Variants in MARVELD3 observed in about 807,000 individuals in gnomAD.
The protein encoded by MARVELD3 is MARVEL domain containing 3, also known as MARVEL domain-containing protein 3.
MARVELD3 carries 28 observed loss-of-function variants against 33.5 expected under a neutral mutation model. The ratio of observed to expected loss-of-function variants is 0.84; its 90% CI spans 0.62 to 1.15. The LOEUF is 1.15. Ranked by LOEUF, MARVELD3 falls within the 50% of genes most tolerant of loss-of-function variation. The pLI is 0.00. For missense variants in MARVELD3, 582 were observed against 547.6 expected, an observed-to-expected ratio of 1.06 and a Z score of -0.63; for synonymous variants, 241 against 230.4, an observed-to-expected ratio of 1.05 and a Z score of -0.42.
At chr16:71,641,124 G>C (rs2044616487), downstream of MARVELD3, 2 of 1,420,632 alleles carry the variant, frequency 1.4e-6, no homozygotes, top group African/African-American at 1.4e-5. Context: ...TCACACACTT[G>C]ACTTTATAAA....
chr16:71,629,432 AC>A lies in MARVELD3; in HGVS notation c.535del (p.Gln179SerfsTer30). 1 of 1,584,148 alleles carries A rather than the reference AC, an allele frequency of 6.3e-7. No individual in the cohort carries two copies. The highest frequency in any genetic ancestry group is 8.6e-7 in the Non-Finnish European group (1 of 1,167,968). Reference protein sequence around the residue: ...PRPGREEVEYYQSEAEGLLEC... With the variant: ...PRPGREEVEYXQSEAEGLLEC... ...CCTGGACGAGAGGAGGTGGAATATT[AC>A]CAGTCAGAGGCGGAAGGACTCCTGG... On this transcript the variant is annotated frameshift_variant, in exon 2 of 3. Transcript: ENST00000268485. LOFTEE classifies it high-confidence loss of function.
chr16:71,633,478 C>T (rs942876941), intron 2 of MARVELD3, among the ~76,000 whole-genome samples: 3 of 152,130 alleles, frequency 2.0e-5, no homozygotes, highest in Non-Finnish European at 4.4e-5. Flanking sequence ...ACTGTAACCT[C>T]CACCTCTCGG....
At chr16:71,638,177 A>G (rs2044593815), downstream of MARVELD3, 1 of 152,226 alleles carries the variant, frequency 6.6e-6, no homozygotes, top group South Asian at 2.1e-4. Context: ...GGCCTCTGTC[A>G]GTAACAAATA....
downstream of MARVELD3, chr16:71,640,542 G>C (rs977355877): frequency 1.8e-5 from 29 of 1,614,088 alleles, no homozygotes; most frequent in East Asian, 5.8e-4. Flanking sequence ...CACTGAGCTA[G>C]AGCAGGTTCG....
At chr16:71,629,148 A>T in intron 1 of MARVELD3, 1 of 496,102 alleles carries the variant, frequency 2.0e-6, no homozygotes. Flanking sequence ...CAGCGGTACC[A>T]ATCACAGCAT....
At chr16:71,637,796 C>A (rs944463521), downstream of MARVELD3, 5 of 152,222 alleles carry the variant, frequency 3.3e-5, no homozygotes, top group African/African-American at 1.2e-4. Context: ...TCTCACCAAT[C>A]CCCTTCCATT....
intron 2 of MARVELD3, among the ~76,000 whole-genome samples, chr16:71,633,189 C>A (rs2044549263): frequency 6.6e-6 from 1 of 151,872 alleles, no homozygotes; most frequent in Admixed American, 6.6e-5. Context: ...ACAGCAAGAC[C>A]TTTATCACGA....
In MARVELD3 at chr16:71,633,424, C is replaced by T. The variant is rs779895266; in HGVS notation, c.596-769C>T. On this transcript the variant is annotated intron_variant, in intron 2 of 2. Transcript: ENST00000268485. ...TTGTGTTTGCTTTTGTTTTTTGAGA[C>T]GGAGTGTCGCCCAGGCTAGAATGCA... Among the ~76,000 whole-genome samples, 6 of 152,046 alleles carry T rather than the reference C, an allele frequency of 3.9e-5. No individual in the cohort carries two copies. The South Asian group carries it at 6.2e-4, about 16-fold the overall frequency.
Position 71,634,948 on chromosome 16 carries a change from C to A in MARVELD3, c.*145C>A. 5.6e-6 allele frequency: 8 copies of A among 1,435,660 alleles called. No individual in the cohort carries two copies. The highest frequency in any genetic ancestry group is 1.5e-5 in the South Asian group (1 of 66,090). 88.9% of individuals were successfully genotyped at this position (1,435,660 alleles called of 1,614,324 possible). ...TGGTGTGGTGGGCGGAGCTCCCAGTCGCATGGAGCGGTGTTCATGGATGCA... is the reference window on the plus strand; with the variant it reads ...TGGTGTGGTGGGCGGAGCTCCCAGTAGCATGGAGCGGTGTTCATGGATGCA... On this transcript the variant is annotated 3_prime_UTR_variant, in exon 3 of 3. Transcript: ENST00000268485.
In MARVELD3 at chr16:71,626,582, G is replaced by A; in HGVS notation, c.353G>A (p.Gly118Glu). Residue 118 changes from glycine (G) to glutamate (E), a missense_variant, in exon 1 of 3, where the codon GGA becomes GAA. Physicochemically the swap from Gly to Glu is moderately conservative, Grantham distance 98. Transcript: ENST00000268485. This position sits in a 1 kb window ranked among gnomAD's most constrained non-coding sequence, Gnocchi z 5.3. ...EKPRQSRTRD[G>E]ARGLTWDAAA... ...CCGCGCCAAAGCCGGACGCGGGACG[G>A]AGCCCGGGGACTGACCTGGGACGCA... 1 of 1,545,584 alleles carries A rather than the reference G, an allele frequency of 6.5e-7. No homozygotes were observed. Among genetic ancestry groups the A allele is most frequent in the Non-Finnish European group, 8.7e-7 (1 of 1,146,700 alleles).
intron 2 of MARVELD3, 37 bp from the exon 3 acceptor site, chr16:71,634,156 A>G: frequency 1.3e-6 from 2 of 1,566,052 alleles, no homozygotes; most frequent in Non-Finnish European, 1.7e-6. Context: ...GGTGCCAAAC[A>G]GCATCACTCA....
rs142993154 is a variant in MARVELD3, at chr16:71,632,982, A to C, written c.596-1211A>C. The stretch of plus-strand genomic sequence containing the variant: ...GTATAACTTCCACGCTTTTTTTCTG[A>C]ATTATTATATTGTTTAAGCTCTGTG... On this transcript the variant is annotated intron_variant, in intron 2 of 2. Coordinates refer to ENST00000268485, the MANE Select transcript of MARVELD3 (RefSeq NM_052858.6). 1.8e-4 allele frequency among the ~76,000 whole-genome samples: 27 copies of C among 152,144 alleles called. 1 individual carries two copies. The East Asian group carries it at 5.0e-3, about 28-fold the overall frequency.
In MARVELD3 at chr16:71,633,046, G is replaced by A. The variant is rs189538518; in HGVS notation, c.596-1147G>A. ...TTGGAGAACTCTCCCCTTACAAATT[G>A]TATTCACCACAGAACATATATAAAG... On this transcript the variant is annotated intron_variant, in intron 2 of 2. Coordinates refer to ENST00000268485, the MANE Select transcript of MARVELD3 (RefSeq NM_052858.6). 1.1e-3 allele frequency among the ~76,000 whole-genome samples: 171 copies of A among 151,882 alleles called. No homozygotes were observed. In the Middle Eastern group the frequency reaches 0.014, roughly 12 times the overall value.
At chr16:71,632,866 C>A (rs1385650911) in intron 2 of MARVELD3, among the ~76,000 whole-genome samples, 1 of 151,954 alleles carries the variant, frequency 6.6e-6, no homozygotes, top group South Asian at 2.1e-4. Context: ...CCTGCCTCGG[C>A]CTCCCAAAAT....
At chr16:71,640,323 T>C (rs147372162), downstream of MARVELD3, 32 of 1,523,508 alleles carry the variant, frequency 2.1e-5, no homozygotes, top group African/African-American at 4.0e-4. Context: ...AGGTGGCCTG[T>C]GGTATGTCTC....
intron 1 of MARVELD3, among the ~76,000 whole-genome samples, chr16:71,627,579 C>G (rs920027775): frequency 2.6e-5 from 4 of 152,150 alleles, no homozygotes; most frequent in African/African-American, 9.7e-5. Context: ...AATTCTCCCA[C>G]TGAAGGGTAC....
At chr16:71,641,693 G>A (rs1596979980) in exon 3 of MARVELD3, 1 of 152,370 alleles carries the variant, frequency 6.6e-6, no homozygotes, top group Admixed American at 6.5e-5. Flanking sequence ...AGGTTGCAGT[G>A]AGCAAACTCC....
chr16:71,640,257 AC>A, downstream of MARVELD3: 1 of 988,118 alleles, frequency 1.0e-6, no homozygotes, highest in Non-Finnish European at 1.5e-6. Context: ...ACAGAGTGAC[AC>A]CGTCTCAAAA....
At chr16:71,641,022 C>T, downstream of MARVELD3, 1 of 1,596,360 alleles carries the variant, frequency 6.3e-7, no homozygotes, top group Non-Finnish European at 8.6e-7. Context: ...GTCTGGAACT[C>T]TTTGAGATCT....
Sources: allele counts gnomAD v4.1 joint callset (sites outside exome capture counted in the v4.1 genomes callset), GRCh38; gene constraint gnomAD v4.1.1; non-coding constraint Gnocchi (gnomAD v3.1); transcripts MANE v1.5; gene names NCBI Gene and HGNC (gene_info 2026-07-23, HGNC 2026-07-21).